Variants in EML4 observed in about 807,000 individuals in gnomAD.
EML4 encodes the protein EMAP like 4, also known as echinoderm microtubule-associated protein-like 4.
EML4 carries 72 observed loss-of-function variants against 129.0 expected under a neutral mutation model. That is an observed-to-expected ratio of 0.56 (90% confidence interval 0.46 to 0.68). EML4 has a LOEUF of 0.68. Among genes scored for constraint, EML4 ranks in the 30% least tolerant of loss-of-function variants. The probability of loss-of-function intolerance (pLI) is 0.00; values close to 1 mark genes in which losing one functional copy is unlikely to be tolerated. For missense variants in EML4, 1,363 were observed against 1,190.6 expected, an observed-to-expected ratio of 1.14 and a Z score of -2.13; for synonymous variants, 532 against 405.0, an observed-to-expected ratio of 1.31 and a Z score of -3.77.
rs139255810 is a variant in EML4 at position 42,296,882 on chromosome 2, C to G, written c.1489+1366C>G. Among the ~76,000 whole-genome samples, 3 of 152,288 alleles carry G rather than the reference C, an allele frequency of 2.0e-5. No individual in the cohort carries two copies. The East Asian group carries it at 5.8e-4, about 29-fold the overall frequency. On this transcript the variant is annotated intron_variant, in intron 13 of 22. Transcript: ENST00000318522. Reference sequence around the variant, plus strand: ...TGGATGGCATTATATCCCGATAAATCTATCATAATGTCAAAAAATAATAAA... The same window carrying G: ...TGGATGGCATTATATCCCGATAAATGTATCATAATGTCAAAAAATAATAAA...
chr2:42,259,490 A>T (rs1665571625), intron 3 of EML4, among the ~76,000 whole-genome samples: 2 of 152,132 alleles, frequency 1.3e-5, no homozygotes, highest in Non-Finnish European at 2.9e-5. Flanking sequence ...AACATAAGAT[A>T]CATTCACCTG....
chr2:42,292,969 TTGTC>T (rs1434769068), intron 11 of EML4, among the ~76,000 whole-genome samples: 3 of 152,198 alleles, frequency 2.0e-5, no homozygotes, highest in South Asian at 4.1e-4. Flanking sequence ...TAGTTTTGAT[TTGTC>T]TGAGTGAAAA....
intron 7 of EML4, among the ~76,000 whole-genome samples, chr2:42,282,298 G>T (rs1667054607): frequency 6.7e-6 from 1 of 149,396 alleles, no homozygotes; most frequent in Admixed American, 6.8e-5. Context: ...ATACATATTT[G>T]TCTGGTAAAT....
chr2:42,185,820 A>G (rs1200226072), intron 1 of EML4, among the ~76,000 whole-genome samples: 1 of 152,102 alleles, frequency 6.6e-6, no homozygotes, highest in African/African-American at 2.4e-5. Context: ...GAAAATAGGA[A>G]TATCAGTGTG....
chr2:42,216,221 G>A (rs1673176106), intron 1 of EML4, among the ~76,000 whole-genome samples: 1 of 129,812 alleles, frequency 7.7e-6, no homozygotes, highest in African/African-American at 3.0e-5. Context: ...TACCACACCC[G>A]GCCCACTTCT....
chr2:42,194,442 C>A (rs984069637), intron 1 of EML4, among the ~76,000 whole-genome samples: 1 of 150,392 alleles, frequency 6.6e-6, no homozygotes, highest in Admixed American at 6.6e-5. Flanking sequence ...AATATTTTCC[C>A]CTACATTGTG....
intron 1 of EML4, among the ~76,000 whole-genome samples, chr2:42,212,916 C>T (rs1425978370): frequency 1.3e-5 from 2 of 152,170 alleles, no homozygotes; most frequent in African/African-American, 4.8e-5. Flanking sequence ...CCTGGCTGTG[C>T]CCTGTGTTCT....
intron 13 of EML4, among the ~76,000 whole-genome samples, chr2:42,300,937 G>A (rs1011608794): frequency 6.6e-6 from 1 of 152,088 alleles, no homozygotes; most frequent in Non-Finnish European, 1.5e-5. Context: ...GTAAAGTTCT[G>A]AAACCTATAC....
chr2:42,294,444 C>T (rs551902888), intron 11 of EML4, among the ~76,000 whole-genome samples: 2 of 152,310 alleles, frequency 1.3e-5, no homozygotes, highest in East Asian at 1.9e-4. Context: ...GCCTGTAATC[C>T]CAGCCCTTTG....
At chr2:42,181,325 G>T (rs1366900850) in intron 1 of EML4, among the ~76,000 whole-genome samples, 1 of 151,958 alleles carries the variant, frequency 6.6e-6, no homozygotes, top group African/African-American at 2.4e-5. Context: ...TTGAGACAGG[G>T]TCTCACTCTA....
At chr2:42,266,675 T>G (rs1666084379) in intron 6 of EML4, among the ~76,000 whole-genome samples, 1 of 149,330 alleles carries the variant, frequency 6.7e-6, no homozygotes, top group Non-Finnish European at 1.5e-5. Flanking sequence ...TTAAATAGAG[T>G]CGGCGGTATG....
At chr2:42,208,799 T>TA (rs1672715787) in intron 1 of EML4, among the ~76,000 whole-genome samples, 1 of 151,674 alleles carries the variant, frequency 6.6e-6, no homozygotes, top group African/African-American at 2.4e-5. Flanking sequence ...GTCTGGCTTT[T>TA]TTTTTTTTCA....
chr2:42,183,756 T>C (rs1671089238), intron 1 of EML4, among the ~76,000 whole-genome samples: 1 of 152,206 alleles, frequency 6.6e-6, no homozygotes, highest in Non-Finnish European at 1.5e-5. Context: ...AATTTTTTTC[T>C]TATTAAATAA....
At chr2:42,192,734 C>G (rs886817333) in intron 1 of EML4, among the ~76,000 whole-genome samples, 10 of 152,136 alleles carry the variant, frequency 6.6e-5, no homozygotes, top group African/African-American at 2.2e-4. Flanking sequence ...AACTGGCTCC[C>G]ACTAGGATTC....
At chr2:42,179,604 G>T (rs962118721) in intron 1 of EML4, among the ~76,000 whole-genome samples, 2 of 152,014 alleles carry the variant, frequency 1.3e-5, no homozygotes, top group Admixed American at 1.3e-4. Context: ...ATATATGGGG[G>T]TTTTTTGTTT....
intron 1 of EML4, among the ~76,000 whole-genome samples, chr2:42,200,938 T>A (rs184953724): frequency 1.4e-3 from 209 of 152,334 alleles, no homozygotes; most frequent in African/African-American, 4.9e-3. Context: ...CTGTTCTCCA[T>A]GGGCTGCCTG....
At chr2:42,273,951 T>C in intron 6 of EML4, among the ~76,000 whole-genome samples, 1 of 152,230 alleles carries the variant, frequency 6.6e-6, no homozygotes. Flanking sequence ...AACTGGATCA[T>C]TAACTGGAAC....
rs143261583 is a variant in EML4 at position 42,191,301 on chromosome 2, A to G, written c.25+21665A>G. On this transcript the variant is annotated intron_variant, in intron 1 of 22. Coordinates refer to ENST00000318522, the MANE Select transcript of EML4 (RefSeq NM_019063.5). ...AACTCTGTCTCTTCCATTTCTCTCT[A>G]TATGTTGGCTTTATTCTCTGAAATG... 3.1e-3 allele frequency among the ~76,000 whole-genome samples: 479 copies of G among 152,124 alleles called. 3 individuals carry two copies. The highest frequency in any genetic ancestry group is 0.011 in the African/African-American group (458 of 41,484).
At chr2:42,192,670 G>GT (rs1671668477) in intron 1 of EML4, among the ~76,000 whole-genome samples, 1 of 152,112 alleles carries the variant, frequency 6.6e-6, no homozygotes, top group Non-Finnish European at 1.5e-5. Flanking sequence ...TGAGAAATAG[G>GT]TGAGCATCAT....
Sources: gnomAD v4.1 joint callset for allele counts (sites outside exome capture counted in the v4.1 genomes callset) on GRCh38, gnomAD v4.1.1 for gene constraint, MANE v1.5 for transcripts, NCBI Gene and HGNC (gene_info 2026-07-23, HGNC 2026-07-21) for gene names.